The following PDK1 variants were observed in gnomAD, a reference collection of about 807,000 sequenced individuals.
PDK1 encodes [Pyruvate dehydrogenase (acetyl-transferring)] kinase isozyme 1, mitochondrial.
PDK1 carries 39 observed loss-of-function variants against 54.2 expected under a neutral mutation model. The observed-to-expected ratio is 0.72, with a 90% CI of 0.56 to 0.94. The LOEUF is 0.94. PDK1 is among the 40% of genes least tolerant of loss of function. The probability of loss-of-function intolerance (pLI) is 0.00; values close to 1 mark genes in which losing one functional copy is unlikely to be tolerated. For missense variants in PDK1, 552 were observed against 566.0 expected (o/e 0.98, Z 0.25); for synonymous variants, 221 against 207.1 (o/e 1.07, Z -0.58).
the PDK1 span, chr2:172,723,444 T>C: frequency 1.3e-5 from 2 of 152,272 alleles, no homozygotes; most frequent in South Asian, 4.2e-4. Flanking sequence ...AATGGAGAAG[T>C]TAGCCAAGAA....
chr2:172,677,913 A>G, the PDK1 span, among the ~76,000 whole-genome samples: 1 of 152,232 alleles, frequency 6.6e-6, no homozygotes, highest in African/African-American at 2.4e-5. Context: ...TCACGCCTGT[A>G]ATCCCAGCAC....
At chr2:172,709,838 C>T in the PDK1 span, among the ~76,000 whole-genome samples, 1 of 152,100 alleles carries the variant, frequency 6.6e-6, no homozygotes, top group Non-Finnish European at 1.5e-5. Flanking sequence ...TTATTCAATT[C>T]AGTGATGGAC....
the PDK1 span, among the ~76,000 whole-genome samples, chr2:172,665,611 T>G: frequency 3.3e-5 from 5 of 152,210 alleles, no homozygotes; most frequent in Non-Finnish European, 7.3e-5. Context: ...AACCTCACTT[T>G]TGTTAAAAAT....
At chr2:172,639,071 G>T in the PDK1 span, among the ~76,000 whole-genome samples, 1 of 152,142 alleles carries the variant, frequency 6.6e-6, no homozygotes, top group Non-Finnish European at 1.5e-5. Flanking sequence ...TCACTATGCC[G>T]TGCAGACTGG....
chr2:172,687,871 C>T, the PDK1 span, among the ~76,000 whole-genome samples: 11 of 152,164 alleles, frequency 7.2e-5, no homozygotes, highest in African/African-American at 2.7e-4. Flanking sequence ...GCCTGCTGCC[C>T]ACTGAACACA....
At chr2:172,589,454 G>A (rs1219802244) in intron 9 of PDK1, among the ~76,000 whole-genome samples, 1 of 152,144 alleles carries the variant, frequency 6.6e-6, no homozygotes, top group Non-Finnish European at 1.5e-5. Context: ...ACTCTCCAGG[G>A]GCCCGGCCTG....
At chr2:172,669,051 A>ATTT in the PDK1 span, among the ~76,000 whole-genome samples, 1 of 70,572 alleles carries the variant, frequency 1.4e-5, no homozygotes, top group African/African-American at 5.8e-5. Context: ...GAATTTCCTG[A>ATTT]TTTTTTTTTT....
the PDK1 span, among the ~76,000 whole-genome samples, chr2:172,679,201 C>T: frequency 6.6e-6 from 1 of 152,174 alleles, no homozygotes; most frequent in Non-Finnish European, 1.5e-5. Flanking sequence ...AATCCAATGA[C>T]TTGGGAGCCT....
At position 172,560,320 on chromosome 2, in the gene PDK1, C is replaced by G. The variant is rs909913020; in HGVS notation, c.338+1471C>G. On this transcript the variant is annotated intron_variant, in intron 2 of 10. Transcript: ENST00000282077. ...AGCTGGGACCACAGCCATGCGCCAC[C>G]ATACCTGACCAATTCTTTTATTTTT... Among the ~76,000 whole-genome samples the G allele has an allele frequency of 4.6e-5, 7 of 152,300 alleles. No individual in the cohort carries two copies. The East Asian group carries it at 5.8e-4, about 13-fold the overall frequency.
At chr2:172,708,276 GA>G in the PDK1 span, among the ~76,000 whole-genome samples, 8,931 of 135,280 alleles carry the variant, frequency 0.066, 988 homozygotes, top group East Asian at 0.55. Flanking sequence ...GCGACAGAGT[GA>G]AAAAAAAAAA....
chr2:172,700,238 GTCA>G, the PDK1 span, among the ~76,000 whole-genome samples: 1 of 152,026 alleles, frequency 6.6e-6, no homozygotes, highest in Non-Finnish European at 1.5e-5. Context: ...AACCGCCATC[GTCA>G]TCATGGCCCG....
At chr2:172,584,645 CTT>C (rs35773197) in intron 8 of PDK1, among the ~76,000 whole-genome samples, 5,152 of 90,208 alleles carry the variant, frequency 0.057, 171 homozygotes, top group East Asian at 0.22. Context: ...AAGGTACATG[CTT>C]TTTTTTTTTT....
rs932099680 is a variant in PDK1 at position 172,605,483 on chromosome 2, C to G, written c.*9514C>G. 6.9e-6 allele frequency: 1 copy of G among 144,016 alleles called. No individual in the cohort carries two copies. The highest frequency in any genetic ancestry group is 1.5e-5 in the Non-Finnish European group (1 of 67,308). The allele number at this position is 144,016 out of a possible 1,614,324, so 8.9% of individuals were successfully genotyped here. ...GTCTGCTTCCTGGGTTCAAGTGATT[C>G]TCCTGCCTCAGCCTCCAAGTAGCTG... On this transcript the variant is annotated 3_prime_UTR_variant, in exon 11 of 11. Coordinates refer to ENST00000282077, the MANE Select transcript of PDK1 (RefSeq NM_002610.5).
rs545182565 is a variant in PDK1 at position 172,605,759 on chromosome 2, A to G, written c.*9790A>G. The G allele has an allele frequency of 3.9e-5, 6 of 152,260 alleles. No homozygotes were observed. Among genetic ancestry groups the G allele is most frequent in the African/African-American group, 1.4e-4 (6 of 41,546 alleles). The allele number at this position is 152,260 out of a possible 1,614,324, so 9.4% of individuals were successfully genotyped here. On this transcript the variant is annotated 3_prime_UTR_variant, in exon 11 of 11. Transcript: ENST00000282077. ...AGATTTTCATTTTCATGTTTGCCCC[A>G]TTTATGCTAATATTAATTATTGGAA...
chr2:172,621,534 T>A, the PDK1 span, among the ~76,000 whole-genome samples: 7 of 147,282 alleles, frequency 4.8e-5, 1 homozygote, highest in African/African-American at 1.7e-4. Flanking sequence ...TCTTCTTTTT[T>A]ATATATATAT....
At chr2:172,651,377 G>T in the PDK1 span, among the ~76,000 whole-genome samples, 1 of 152,196 alleles carries the variant, frequency 6.6e-6, no homozygotes, top group Admixed American at 6.5e-5. Flanking sequence ...AAGCAGGAAA[G>T]ATCTAAAATT....
At chr2:172,579,525 CTTTTTTTTT>C (rs10660737) in intron 8 of PDK1, among the ~76,000 whole-genome samples, 1 of 122,562 alleles carries the variant, frequency 8.2e-6, no homozygotes, top group Non-Finnish European at 1.7e-5. Context: ...CCCGCTCTTT[CTTTTTTTTT>C]TTTTTTTTGG....
At chr2:172,684,009 A>C in the PDK1 span, among the ~76,000 whole-genome samples, 1 of 152,236 alleles carries the variant, frequency 6.6e-6, no homozygotes, top group Non-Finnish European at 1.5e-5. Flanking sequence ...AGAGATTTTT[A>C]TAGCTGAGAA....
the PDK1 span, among the ~76,000 whole-genome samples, chr2:172,622,688 G>A: frequency 2.1e-5 from 3 of 145,694 alleles, no homozygotes; most frequent in Non-Finnish European, 3.0e-5. Context: ...TATTATGTGA[G>A]ATATGTTTAT....
Sources: allele counts gnomAD v4.1 joint callset (sites outside exome capture counted in the v4.1 genomes callset), GRCh38; gene constraint gnomAD v4.1.1; transcripts MANE v1.5; gene names NCBI Gene and HGNC (gene_info 2026-07-23, HGNC 2026-07-21).